ENTPD1: variants seen among roughly 807,000 people sequenced by gnomAD.
ENTPD1 encodes ATP diphosphohydrolase.
Under a neutral mutation model 57.0 loss-of-function variants are expected in ENTPD1, and 33 were observed. The observed-to-expected ratio is 0.58, with a 90% CI of 0.44 to 0.77. The LOEUF is 0.77. Ranked by LOEUF, ENTPD1 falls within the 30% of genes least tolerant of loss-of-function variation. The probability of loss-of-function intolerance (pLI) is 0.00; values close to 1 mark genes in which losing one functional copy is unlikely to be tolerated. For missense variants in ENTPD1, 501 were observed against 603.4 expected, an observed-to-expected ratio of 0.83 and a Z score of 1.78; for synonymous variants, 202 against 218.8, an observed-to-expected ratio of 0.92 and a Z score of 0.68.
In ENTPD1 at chr10:95,791,414, A is replaced by G. The variant is rs1346420991; in HGVS notation, c.17-31823A>G. 6.6e-6 allele frequency among the ~76,000 whole-genome samples: 1 copy of G among 152,234 alleles called. No individual in the cohort carries two copies. Among genetic ancestry groups the G allele is most frequent in the Non-Finnish European group, 1.5e-5 (1 of 68,040 alleles). On this transcript the variant is annotated intron_variant, in intron 1 of 9. Coordinates refer to ENST00000371205, the MANE Select transcript of ENTPD1 (RefSeq NM_001776.6). The surrounding 1 kb of genome is among the most constrained non-coding windows in gnomAD (Gnocchi z 4.1). ...TAGGGGACTTGAGGATGGGGTTTAT[A>G]TACTGGCAACCCATGAGGACTTGAA...
At chr10:95,811,053 G>T (rs766149508) in intron 1 of ENTPD1, among the ~76,000 whole-genome samples, 5 of 152,208 alleles carry the variant, frequency 3.3e-5, no homozygotes, top group African/African-American at 7.2e-5. Context: ...GATGATCTCT[G>T]ACAGTGTTAC....
chr10:95,733,372 T>C (rs896317348), intron 1 of ENTPD1, among the ~76,000 whole-genome samples: 8 of 152,200 alleles, frequency 5.3e-5, no homozygotes, highest in African/African-American at 1.9e-4. Flanking sequence ...TAAACACACA[T>C]GGTTACAAAC....
At chr10:95,856,176 A>T (rs562283393) in intron 7 of ENTPD1, among the ~76,000 whole-genome samples, 2 of 152,146 alleles carry the variant, frequency 1.3e-5, no homozygotes, top group African/African-American at 4.8e-5. Flanking sequence ...TCTCACTTCA[A>T]TTCATTCATT....
chr10:95,778,016 G>A (rs2098141020), intron 1 of ENTPD1, among the ~76,000 whole-genome samples: 1 of 152,180 alleles, frequency 6.6e-6, no homozygotes, highest in Non-Finnish European at 1.5e-5. Context: ...CAGTATTAGG[G>A]CAGGAGTGTC....
At chr10:95,824,094 CATT>C (rs1313431276) in intron 2 of ENTPD1, among the ~76,000 whole-genome samples, 2 of 152,078 alleles carry the variant, frequency 1.3e-5, no homozygotes, top group African/African-American at 4.8e-5. Context: ...GTAATATGGT[CATT>C]ATATTTTTTA....
chr10:95,778,557 G>A (rs2098143257), intron 1 of ENTPD1, among the ~76,000 whole-genome samples: 1 of 152,128 alleles, frequency 6.6e-6, no homozygotes, highest in African/African-American at 2.4e-5. Flanking sequence ...GAATGCAATG[G>A]ATAAAATTTG....
chr10:95,716,424 A>T (rs779208597), intron 1 of ENTPD1, among the ~76,000 whole-genome samples: 18 of 152,102 alleles, frequency 1.2e-4, no homozygotes, highest in Non-Finnish European at 2.4e-4. Flanking sequence ...ACTCATGTTG[A>T]GGCTTGGTCC....
At chr10:95,741,074 C>T (rs945285376) in intron 1 of ENTPD1, among the ~76,000 whole-genome samples, 19 of 152,168 alleles carry the variant, frequency 1.2e-4, no homozygotes, top group Admixed American at 5.9e-4. Context: ...GCGTTCATAA[C>T]TTGGCTGTTT....
At chr10:95,787,925 A>G (rs1248110226) in intron 1 of ENTPD1, among the ~76,000 whole-genome samples, 3 of 152,082 alleles carry the variant, frequency 2.0e-5, no homozygotes, top group Admixed American at 2.0e-4. Context: ...CCCACCCCCA[A>G]ATTCCTTTCA....
At chr10:95,860,286 G>A (rs1184270541) in intron 7 of ENTPD1, among the ~76,000 whole-genome samples, 183 bp from the exon 8 acceptor site, 2 of 152,138 alleles carry the variant, frequency 1.3e-5, no homozygotes, top group East Asian at 1.9e-4. Context: ...AGAAATGTGT[G>A]TCAGCAGCAA....
rs955910370 is a variant in ENTPD1 at position 95,825,430 on chromosome 10, T to C, written c.144+2066T>C. On this transcript the variant is annotated intron_variant, in intron 2 of 9. Transcript: ENST00000371205. ...AGTACCAGGATCATCCCAAATATCA[T>C]GGGCTACTAAACTGGTTTGAGTAGT... Among the ~76,000 whole-genome samples the C allele has an allele frequency of 2.6e-5, 4 of 152,250 alleles. No individual in the cohort carries two copies. In the East Asian group the frequency reaches 5.8e-4, roughly 22 times the overall value.
chr10:95,806,735 A>G (rs941349961), intron 1 of ENTPD1, among the ~76,000 whole-genome samples: 1 of 152,086 alleles, frequency 6.6e-6, no homozygotes, highest in African/African-American at 2.4e-5. Flanking sequence ...TTTCCTTCTA[A>G]CAGTCAGGCC....
chr10:95,721,483 A>G (rs979013634), intron 1 of ENTPD1, among the ~76,000 whole-genome samples: 3 of 152,224 alleles, frequency 2.0e-5, no homozygotes, highest in African/African-American at 7.2e-5. Flanking sequence ...CAGTAACATT[A>G]TATTTCTCCA....
intron 1 of ENTPD1, among the ~76,000 whole-genome samples, chr10:95,819,882 A>G (rs928746759): frequency 2.6e-5 from 4 of 152,234 alleles, no homozygotes; most frequent in Non-Finnish European, 2.9e-5. Flanking sequence ...TCGAAATACC[A>G]TTTCACATTG....
intron 1 of ENTPD1, among the ~76,000 whole-genome samples, chr10:95,783,038 T>C (rs550956353): frequency 2.0e-5 from 3 of 152,086 alleles, no homozygotes; most frequent in Admixed American, 2.0e-4. Flanking sequence ...TGTGTGTTTG[T>C]GTGTGTGTGT....
In ENTPD1 at chr10:95,871,146, CAGTG is replaced by C. The variant is rs1241889427; in HGVS notation, c.*4764_*4767del. ...ATAAAATATAAACAAGTCAGATAAA[CAGTG>C]GGAGGAATGGCAAAGTCATATGGCC... On this transcript the variant is annotated 3_prime_UTR_variant, in exon 10 of 10. Transcript: ENST00000371205. 10 of 985,316 alleles carry C rather than the reference CAGTG, an allele frequency of 1.0e-5. No individual in the cohort carries two copies. The highest frequency in any genetic ancestry group is 1.1e-5 in the Non-Finnish European group (9 of 829,948). The allele number at this position is 985,316 out of a possible 1,614,324, so 61.0% of individuals were successfully genotyped here. A position where few individuals can be genotyped will look rare whatever the true frequency, so the allele number is the denominator to read the frequency against.
At chr10:95,823,797 GTATAA>G (rs2098363024) in intron 2 of ENTPD1, among the ~76,000 whole-genome samples, 1 of 152,156 alleles carries the variant, frequency 6.6e-6, no homozygotes, top group South Asian at 2.1e-4. Context: ...ATACAACTCT[GTATAA>G]AGTACTTTGG....
At chr10:95,763,455 G>GT (rs2098075241) in intron 1 of ENTPD1, among the ~76,000 whole-genome samples, 1 of 152,078 alleles carries the variant, frequency 6.6e-6, no homozygotes, top group Non-Finnish European at 1.5e-5. Context: ...AGGTTTCCTT[G>GT]TAACTAAGCA....
At chr10:95,796,949 G>A (rs73331201) in intron 1 of ENTPD1, among the ~76,000 whole-genome samples, 62 of 152,090 alleles carry the variant, frequency 4.1e-4, no homozygotes, top group African/African-American at 8.4e-4. Context: ...GTGCACGCCC[G>A]TAGTCCCTAG....
Sources: allele counts gnomAD v4.1 joint callset (sites outside exome capture counted in the v4.1 genomes callset), GRCh38; gene constraint gnomAD v4.1.1; non-coding constraint Gnocchi (gnomAD v3.1); transcripts MANE v1.5; gene names NCBI Gene and HGNC (gene_info 2026-07-23, HGNC 2026-07-21).